Variants in KIF1B observed in about 807,000 individuals in gnomAD.
KIF1B encodes the protein kinesin family member 1B.
Under a neutral mutation model 241.9 loss-of-function variants are expected in KIF1B, and 76 were observed. The ratio of observed to expected loss-of-function variants is 0.31; its 90% CI spans 0.26 to 0.38. The LOEUF (loss-of-function observed/expected upper bound fraction) is 0.38, where lower values mean the gene tolerates loss of function less well. Ranked by LOEUF, KIF1B falls within the 10% of genes least tolerant of loss-of-function variation. KIF1B has a pLI of 1.00. For synonymous variants in KIF1B, 750 were observed against 796.7 expected, an observed-to-expected ratio of 0.94 and a Z score of 0.99; for missense variants, 1,622 against 2,271.4, an observed-to-expected ratio of 0.71 and a Z score of 5.81.
chr1:10,338,640 A>G (rs1172034787), intron 31 of KIF1B, among the ~76,000 whole-genome samples: 2 of 152,226 alleles, frequency 1.3e-5, no homozygotes, highest in Non-Finnish European at 2.9e-5. Flanking sequence ...TTGTCCTACA[A>G]TCTCCTAAAA....
In KIF1B at chr1:10,240,786, A is replaced by G. The variant is rs1220009006; in HGVS notation, c.106+8352A>G. 3.6e-5 allele frequency among the ~76,000 whole-genome samples: 5 copies of G among 137,138 alleles called. No homozygotes were observed. In the Admixed American group the frequency reaches 4.1e-4, roughly 11 times the overall value. The allele number at this position is 137,138 out of a possible 152,430, so 90.0% of individuals were successfully genotyped here. A position where few individuals can be genotyped will look rare whatever the true frequency, so the allele number is the denominator to read the frequency against. ...ACTTTGTTGCCCAGGCTGGTCTTGA[A>G]TTCCTGGCCCCAAGTAATCCTCCTA... is the stretch of plus-strand genomic sequence containing the variant. On this transcript the variant is annotated intron_variant, in intron 2 of 48. Transcript: ENST00000676179.
chr1:10,280,153 C>T (rs978330119), intron 14 of KIF1B, among the ~76,000 whole-genome samples: 1 of 152,074 alleles, frequency 6.6e-6, no homozygotes, highest in African/African-American at 2.4e-5. Context: ...GGTAATTCAT[C>T]AAGAAATTGT....
chr1:10,368,599 C>T, intron 44 of KIF1B, 61 bp downstream of exon 44: 1 of 1,409,012 alleles, frequency 7.1e-7, no homozygotes, highest in Non-Finnish European at 1.0e-6. Context: ...CCACAGCAGC[C>T]CAGATTACCT....
intron 28 of KIF1B, among the ~76,000 whole-genome samples, chr1:10,336,173 G>A (rs1415253780): frequency 6.6e-6 from 1 of 152,106 alleles, no homozygotes. Context: ...TTTTGAGACG[G>A]AGTCTCGCTC....
At chr1:10,243,971 A>C (rs1377200792) in intron 2 of KIF1B, among the ~76,000 whole-genome samples, 1 of 152,160 alleles carries the variant, frequency 6.6e-6, no homozygotes, top group Non-Finnish European at 1.5e-5. Flanking sequence ...TTGTTTATTC[A>C]ATGTGTATGC....
chr1:10,268,012 G>A lies in KIF1B; in HGVS notation c.609-140G>A, dbSNP rs1468192247. Reference sequence around the variant, plus strand: ...ATAAGGCAGTATTGAGAGCAATTGTGTAAGTGACAATCTTGCAATCTGTGA... The same window carrying A: ...ATAAGGCAGTATTGAGAGCAATTGTATAAGTGACAATCTTGCAATCTGTGA... On this transcript the variant is annotated intron_variant, in intron 6 of 48. Coordinates refer to ENST00000676179, the MANE Select transcript of KIF1B (RefSeq NM_001365951.3). The A allele has an allele frequency of 4.2e-6, 3 of 716,472 alleles. No homozygotes were observed. The African/African-American group carries it at 5.3e-5, about 13-fold the overall frequency. 44.4% of individuals were successfully genotyped at this position (716,472 alleles called of 1,614,324 possible). A position where few individuals can be genotyped will look rare whatever the true frequency, so the allele number is the denominator to read the frequency against.
chr1:10,363,240 G>A, intron 40 of KIF1B, 43 bp from the exon 41 acceptor site: 1 of 1,479,758 alleles, frequency 6.8e-7, no homozygotes, highest in Non-Finnish European at 9.4e-7. Flanking sequence ...TCCTGTTTTT[G>A]TGCTTTAAGA....
At chr1:10,257,113 T>TTTTG (rs977944244) in intron 3 of KIF1B, among the ~76,000 whole-genome samples, 1 of 151,810 alleles carries the variant, frequency 6.6e-6, no homozygotes, top group East Asian at 1.9e-4. Context: ...ATTGTTTTTT[T>TTTTG]TTTGTTTGTT....
chr1:10,324,888 G>C lies in KIF1B; in HGVS notation c.2668G>C (p.Val890Leu). The C allele has an allele frequency of 6.2e-7, 1 of 1,614,098 alleles. No homozygotes were observed. The highest frequency in any genetic ancestry group is 8.5e-7 in the Non-Finnish European group (1 of 1,180,026). ...FYDRFHWFKL[V>L]GSSPIFHGCV... ...TGATCGGTTCCACTGGTTCAAACTT[G>C]TGGGGAGGTATGTGATGATTTTGTT... Residue 890 changes from valine to leucine, a missense_variant, in exon 26 of 49, where the codon GTG (valine) becomes CTG (leucine). By Grantham distance (32) the Val-to-Leu change is conservative (BLOSUM62 1). Around this residue, in one of 7 missense-constraint regions of KIF1B, gnomAD observed 803 missense variants for 1,112.0 expected, o/e 0.72. Transcript: ENST00000676179.
chr1:10,253,840 A>G (rs1017813597), intron 2 of KIF1B, among the ~76,000 whole-genome samples: 3 of 152,172 alleles, frequency 2.0e-5, no homozygotes, highest in Non-Finnish European at 2.9e-5. Flanking sequence ...GTACAGTGTG[A>G]GCTTTATTAA....
intron 15 of KIF1B, 142 bp downstream of exon 15, chr1:10,282,675 C>A: frequency 2.6e-6 from 2 of 758,402 alleles, no homozygotes; most frequent in South Asian, 1.6e-5. Flanking sequence ...GAATTTTGTG[C>A]TTTGTAAGTT....
intron 22 of KIF1B, chr1:10,305,764 T>C (rs1650798291): frequency 7.6e-6 from 8 of 1,056,266 alleles, no homozygotes; most frequent in Non-Finnish European, 9.2e-6. Context: ...TCAGTTTGCC[T>C]CACTGGAGAA....
At chr1:10,304,631 G>A (rs374591905) in intron 22 of KIF1B, 7 of 1,613,890 alleles carry the variant, frequency 4.3e-6, no homozygotes, top group South Asian at 1.1e-5. Context: ...AAAGCTGGTC[G>A]AGAAACCACA....
At chr1:10,277,232 G>A (rs1011965769) in intron 12 of KIF1B, among the ~76,000 whole-genome samples, 16 of 151,750 alleles carry the variant, frequency 1.1e-4, no homozygotes, top group African/African-American at 3.4e-4. Flanking sequence ...GATCACTTGA[G>A]CACAGGAGTT....
intron 2 of KIF1B, among the ~76,000 whole-genome samples, chr1:10,239,789 G>A (rs1647109009): frequency 2.0e-5 from 3 of 147,594 alleles, no homozygotes; most frequent in Admixed American, 2.0e-4. Flanking sequence ...TTTTTGAGAT[G>A]GAGTCTTGCT....
rs1337458803 is a variant in KIF1B, at chr1:10,347,777, G to A, written c.3814G>A (p.Val1272Ile). The A allele has an allele frequency of 6.2e-7, 1 of 1,613,294 alleles. No homozygotes were observed. The highest frequency in any genetic ancestry group is 8.5e-7 in the Non-Finnish European group (1 of 1,179,338). ...ATTTTTTAGGTATATCCCAGCTGTG[G>A]TTGACCACACAGCAGGCTTGCCTTG... ...EPTGEYIPAV[V>I]DHTAGLPCQG... is the part of the protein sequence containing the mutation. The change falls in exon 36 of 49, where the codon GTT becomes ATT. Residue 1272 changes from valine to isoleucine, a missense_variant. Physicochemically the swap from Val to Ile is conservative, Grantham distance 29. Coordinates refer to ENST00000676179, the MANE Select transcript of KIF1B (RefSeq NM_001365951.3).
At chr1:10,223,671 C>T (rs566240894) in intron 1 of KIF1B, among the ~76,000 whole-genome samples, 14 of 151,564 alleles carry the variant, frequency 9.2e-5, no homozygotes, top group Non-Finnish European at 1.5e-4. Flanking sequence ...CTCAGCTTCC[C>T]GAGTAGCTAG....
At chr1:10,270,696 G>A (rs1306739345) in intron 7 of KIF1B, among the ~76,000 whole-genome samples, 2 of 152,046 alleles carry the variant, frequency 1.3e-5, no homozygotes, top group African/African-American at 4.8e-5. Context: ...AGGCTGAGGC[G>A]GGTGGATCAC....
chr1:10,279,375 C>T (rs1356699530), intron 14 of KIF1B, among the ~76,000 whole-genome samples: 1 of 152,180 alleles, frequency 6.6e-6, no homozygotes, highest in African/African-American at 2.4e-5. Flanking sequence ...TCTCTTGCTG[C>T]TTCTACTCTT....
Sources: allele counts gnomAD v4.1 joint callset (sites outside exome capture counted in the v4.1 genomes callset), GRCh38; gene constraint gnomAD v4.1.1; regional missense constraint gnomAD v4.1.1; transcripts MANE v1.5; gene names NCBI Gene and HGNC (gene_info 2026-07-23, HGNC 2026-07-21).